Variants in GLMN observed in about 807,000 individuals in gnomAD.
The protein encoded by GLMN is glomulin.
In GLMN, 75 loss-of-function variants were observed where a neutral mutation model predicts 87.8. The ratio of observed to expected loss-of-function variants is 0.85; its 90% CI spans 0.71 to 1.04. GLMN has a LOEUF of 1.04. GLMN is among the 50% of genes least tolerant of loss of function. The probability of loss-of-function intolerance (pLI) is 0.00; values close to 1 mark genes in which losing one functional copy is unlikely to be tolerated. For missense variants in GLMN, 588 were observed against 658.8 expected, an observed-to-expected ratio of 0.89 and a Z score of 1.18; for synonymous variants, 206 against 221.6, an observed-to-expected ratio of 0.93 and a Z score of 0.63.
chr1:92,339,209 G>C, the GLMN span, among the ~76,000 whole-genome samples: 2 of 152,066 alleles, frequency 1.3e-5, no homozygotes, highest in East Asian at 3.8e-4. Context: ...GGAAAAAAAT[G>C]TTAGGCTACC....
chr1:92,262,585 A>T (rs1655175440), intron 16 of GLMN, among the ~76,000 whole-genome samples: 1 of 152,234 alleles, frequency 6.6e-6, no homozygotes. Context: ...CCACAAGGTT[A>T]GTTGACTTAG....
chr1:92,253,060 T>C (rs1350663604), intron 16 of GLMN, among the ~76,000 whole-genome samples: 1 of 152,222 alleles, frequency 6.6e-6, no homozygotes, highest in African/African-American at 2.4e-5. Flanking sequence ...GTTTCCCCTT[T>C]CTTCTAATTC....
chr1:92,258,890 A>G (rs1345648157), intron 16 of GLMN, among the ~76,000 whole-genome samples: 3 of 152,120 alleles, frequency 2.0e-5, no homozygotes, highest in African/African-American at 7.2e-5. Context: ...CCAGAACTTA[A>G]AAGTATTGAA....
the GLMN span, chr1:92,323,360 C>T: frequency 1.1e-6 from 1 of 927,996 alleles, no homozygotes. Context: ...TGTATAAATA[C>T]TATGGGGTAC....
chr1:92,370,286 G>A, the GLMN span, among the ~76,000 whole-genome samples: 6 of 152,104 alleles, frequency 3.9e-5, no homozygotes, highest in South Asian at 2.1e-4. Context: ...GGGGCACTAC[G>A]CTTTAAGAAA....
At chr1:92,313,004 C>A in the GLMN span, among the ~76,000 whole-genome samples, 1 of 152,110 alleles carries the variant, frequency 6.6e-6, no homozygotes, top group South Asian at 2.1e-4. Context: ...TAGCTGGGAC[C>A]ACAGGCATGC....
chr1:92,357,094 TACAC>T, the GLMN span, among the ~76,000 whole-genome samples: 18 of 144,748 alleles, frequency 1.2e-4, no homozygotes, highest in Non-Finnish European at 2.1e-4. Flanking sequence ...AAGGATTACA[TACAC>T]ACACACACAC....
chr1:92,337,464 C>T, the GLMN span, among the ~76,000 whole-genome samples: 1 of 152,074 alleles, frequency 6.6e-6, no homozygotes, highest in African/African-American at 2.4e-5. Context: ...ATCTAGAATT[C>T]ATAGTTTAAG....
the GLMN span, among the ~76,000 whole-genome samples, chr1:92,347,531 T>C: frequency 6.6e-6 from 1 of 152,244 alleles, no homozygotes. Flanking sequence ...TCATGAGCAC[T>C]GCTTACTGAA....
chr1:92,251,061 TG>T (rs1653417606), intron 16 of GLMN, among the ~76,000 whole-genome samples: 1 of 152,236 alleles, frequency 6.6e-6, no homozygotes, highest in Middle Eastern at 3.4e-3. Context: ...ATGCCATAAG[TG>T]GAATTAAAAC....
At chr1:92,301,865 C>T (rs1650880264), upstream of GLMN, among the ~76,000 whole-genome samples, 2 of 152,144 alleles carry the variant, frequency 1.3e-5, no homozygotes, top group Non-Finnish European at 1.5e-5. Flanking sequence ...CAAATGTTCT[C>T]ACCACAAAGA....
intron 16 of GLMN, among the ~76,000 whole-genome samples, chr1:92,260,915 C>T (rs1331908865): frequency 6.6e-6 from 1 of 152,168 alleles, no homozygotes; most frequent in Non-Finnish European, 1.5e-5. Flanking sequence ...GGTCTTCCCT[C>T]TCTAAGCAGA....
chr1:92,347,787 T>C, the GLMN span, among the ~76,000 whole-genome samples: 2 of 152,246 alleles, frequency 1.3e-5, no homozygotes, highest in South Asian at 2.1e-4. Context: ...ACTTTGGATA[T>C]AATGTAGGGA....
intron 14 of GLMN, among the ~76,000 whole-genome samples, 154 bp from the exon 15 acceptor site, chr1:92,263,886 G>C (rs1203078232): frequency 6.6e-6 from 1 of 152,102 alleles, no homozygotes; most frequent in Non-Finnish European, 1.5e-5. Context: ...CAGACACCAG[G>C]AACGAACCCT....
the GLMN span, among the ~76,000 whole-genome samples, chr1:92,305,423 G>A: frequency 1.9e-5 from 1 of 53,392 alleles, no homozygotes; most frequent in Middle Eastern, 0.012. Context: ...ACAGAGTGAG[G>A]CTCCGTCTCA....
Position 92,297,408 on chromosome 1 carries a change from T to C in GLMN, c.161A>G (p.Asn54Ser). 10 of 1,611,094 alleles carry C rather than the reference T, an allele frequency of 6.2e-6. No individual in the cohort carries two copies. Among genetic ancestry groups the C allele is most frequent in the Non-Finnish European group, 8.5e-6 (10 of 1,177,958 alleles). The change falls in exon 3 of 19, where the codon AAT (asparagine) becomes AGT (serine). Residue 54 changes from asparagine to serine, a missense_variant. Transcript: ENST00000370360. ...AAACACCAAGATTGTACGCACCTTA[T>C]TCTTTTCATTTTGAATAATTTCTAA... ...QLLEIIQNEKNKVIIKNMGWN... is the reference protein window; with the variant it reads ...QLLEIIQNEKSKVIIKNMGWN...
At chr1:92,328,193 G>A in the GLMN span, among the ~76,000 whole-genome samples, 1 of 152,180 alleles carries the variant, frequency 6.6e-6, no homozygotes, top group African/African-American at 2.4e-5. Context: ...GTATTTGGAT[G>A]TGTAGGTCTC....
the GLMN span, among the ~76,000 whole-genome samples, chr1:92,318,345 G>A: frequency 6.5e-4 from 99 of 152,200 alleles, no homozygotes; most frequent in Middle Eastern, 3.2e-3. Context: ...TGGTGGAACT[G>A]AGGCTCAGAG....
rs1649130007 is a variant in GLMN at position 92,289,286 on chromosome 1, T to C, written c.395-135A>G. 5 of 730,224 alleles carry C rather than the reference T, an allele frequency of 6.8e-6. No individual in the cohort carries two copies. The East Asian group carries it at 1.2e-4, about 18-fold the overall frequency. 45.2% of individuals were successfully genotyped at this position (730,224 alleles called of 1,614,324 possible). A position where few individuals can be genotyped will look rare whatever the true frequency, so the allele number is the denominator to read the frequency against. On this transcript the variant is annotated intron_variant, in intron 5 of 18. Coordinates refer to ENST00000370360, the MANE Select transcript of GLMN (RefSeq NM_053274.3). Reference sequence around the variant, plus strand: ...TGAATCAAGATGACACATCACAGTCTAATTGGCAGTGTTTTTTTCTTCTTA... The same window carrying C: ...TGAATCAAGATGACACATCACAGTCCAATTGGCAGTGTTTTTTTCTTCTTA...
Sources: gnomAD v4.1 joint callset for allele counts (sites outside exome capture counted in the v4.1 genomes callset) on GRCh38, gnomAD v4.1.1 for gene constraint, MANE v1.5 for transcripts, NCBI Gene and HGNC (gene_info 2026-07-23, HGNC 2026-07-21) for gene names.